PTPRD: variants seen among roughly 807,000 people sequenced by gnomAD.
PTPRD encodes receptor-type tyrosine-protein phosphatase delta.
In PTPRD, 34 loss-of-function variants were observed where a neutral mutation model predicts 214.5. The ratio of observed to expected loss-of-function variants is 0.16; its 90% confidence interval spans 0.12 to 0.21. The LOEUF (loss-of-function observed/expected upper bound fraction) is 0.21, where lower values mean the gene tolerates loss of function less well. PTPRD is among the 10% of genes least tolerant of loss of function. PTPRD has a pLI of 1.00. For missense variants in PTPRD, 2,545 were observed against 2,398.7 expected (o/e 1.06, Z -1.27); for synonymous variants, 1,128 against 845.7 (o/e 1.33, Z -5.79).
chr9:10,087,120 C>A (rs1047215120), intron 3 of PTPRD, among the ~76,000 whole-genome samples: 1 of 142,928 alleles, frequency 7.0e-6, no homozygotes, highest in African/African-American at 2.5e-5. Flanking sequence ...CTTGATTTTT[C>A]TCAAATATGT....
intron 9 of PTPRD, among the ~76,000 whole-genome samples, chr9:9,243,897 T>C (rs1243916982): frequency 2.6e-5 from 4 of 152,144 alleles, no homozygotes; most frequent in Non-Finnish European, 4.4e-5. Flanking sequence ...AACCCCATCA[T>C]CTCAGCCCAT....
At chr9:9,059,302 C>A (rs527897888) in intron 10 of PTPRD, among the ~76,000 whole-genome samples, 2 of 152,084 alleles carry the variant, frequency 1.3e-5, no homozygotes, top group Non-Finnish European at 2.9e-5. Context: ...TGAAATGGCC[C>A]ATAATATGGC....
chr9:9,599,998 G>C (rs898679255), intron 7 of PTPRD, among the ~76,000 whole-genome samples: 19 of 151,936 alleles, frequency 1.3e-4, no homozygotes, highest in African/African-American at 4.6e-4. Flanking sequence ...TGCTCTATGG[G>C]CTTGTTTCTA....
intron 2 of PTPRD, among the ~76,000 whole-genome samples, chr9:10,598,352 T>G (rs1371583157): frequency 6.6e-6 from 1 of 151,808 alleles, no homozygotes; most frequent in Non-Finnish European, 1.5e-5. Flanking sequence ...ACTCTGCTCA[T>G]GATTTCTGCT....
At chr9:10,571,049 T>C (rs1382401594) in intron 2 of PTPRD, among the ~76,000 whole-genome samples, 1 of 152,190 alleles carries the variant, frequency 6.6e-6, no homozygotes, top group African/African-American at 2.4e-5. Context: ...TCTTCCTTAC[T>C]ATTTTATGCA....
At chr9:8,449,056 CAA>C (rs1311495492) in intron 34 of PTPRD, among the ~76,000 whole-genome samples, 2 of 152,132 alleles carry the variant, frequency 1.3e-5, no homozygotes, top group African/African-American at 4.8e-5. Flanking sequence ...CATGAATAAA[CAA>C]TATTGTGCAG....
At chr9:10,223,690 A>ATAATAATAATAG (rs2099579285) in intron 3 of PTPRD, among the ~76,000 whole-genome samples, 1 of 146,330 alleles carries the variant, frequency 6.8e-6, no homozygotes, top group African/African-American at 2.5e-5. Flanking sequence ...AATAATAATA[A>ATAATAATAATAG]TAATAATAAT....
intron 9 of PTPRD, among the ~76,000 whole-genome samples, chr9:9,363,211 G>A (rs1440722425): frequency 6.7e-6 from 1 of 149,236 alleles, no homozygotes; most frequent in African/African-American, 2.5e-5. Flanking sequence ...TCAAAATAGG[G>A]AATGATAAGG....
chr9:10,538,459 T>C (rs1479145602), intron 2 of PTPRD, among the ~76,000 whole-genome samples: 1 of 152,068 alleles, frequency 6.6e-6, no homozygotes, highest in Non-Finnish European at 1.5e-5. Context: ...TTTCAGGAGC[T>C]TTCTTCGGTT....
chr9:10,066,114 G>A (rs925193796), intron 3 of PTPRD, among the ~76,000 whole-genome samples: 6 of 151,724 alleles, frequency 4.0e-5, no homozygotes, highest in African/African-American at 1.5e-4. Context: ...TTAGTGGATG[G>A]TTGGTCTTTT....
intron 8 of PTPRD, among the ~76,000 whole-genome samples, chr9:9,509,830 G>T (rs1401570555): frequency 1.3e-5 from 2 of 150,830 alleles, no homozygotes; most frequent in South Asian, 2.1e-4. Flanking sequence ...AAAATATTTT[G>T]CTGTCCTATA....
intron 14 of PTPRD, among the ~76,000 whole-genome samples, chr9:8,535,387 A>G (rs1367414072): frequency 6.6e-6 from 1 of 151,970 alleles, no homozygotes; most frequent in Non-Finnish European, 1.5e-5. Flanking sequence ...TGCAAAGCCA[A>G]TAAATACCCT....
intron 7 of PTPRD, among the ~76,000 whole-genome samples, chr9:9,585,518 T>A (rs1034878427): frequency 6.6e-6 from 1 of 152,096 alleles, no homozygotes. Context: ...GAATTGAAAA[T>A]GTCCAAACAA....
chr9:9,329,123 T>C (rs1306233062), intron 9 of PTPRD, among the ~76,000 whole-genome samples: 1 of 152,134 alleles, frequency 6.6e-6, no homozygotes, highest in East Asian at 1.9e-4. Flanking sequence ...CCTCCAATTG[T>C]GCAGTAATGT....
intron 3 of PTPRD, among the ~76,000 whole-genome samples, chr9:10,106,812 A>T (rs942897949): frequency 6.6e-6 from 1 of 152,038 alleles, no homozygotes; most frequent in Non-Finnish European, 1.5e-5. Context: ...GGTCAGCTTA[A>T]ATATGTAAAA....
At chr9:9,280,811 A>T (rs929432627) in intron 9 of PTPRD, among the ~76,000 whole-genome samples, 1 of 151,264 alleles carries the variant, frequency 6.6e-6, no homozygotes, top group Admixed American at 6.6e-5. Flanking sequence ...CAAAAGACCC[A>T]GAATAGTCAA....
chr9:10,476,704 A>G (rs149853729), intron 2 of PTPRD, among the ~76,000 whole-genome samples: 413 of 152,250 alleles, frequency 2.7e-3, no homozygotes, highest in African/African-American at 9.5e-3. Context: ...AAAAACAACA[A>G]AGCCAGAGAC....
chr9:9,355,604 C>G (rs1366753352), intron 9 of PTPRD, among the ~76,000 whole-genome samples: 1 of 151,352 alleles, frequency 6.6e-6, no homozygotes, highest in Non-Finnish European at 1.5e-5. Flanking sequence ...TATATGTTTT[C>G]TAGATATTCA....
intron 10 of PTPRD, among the ~76,000 whole-genome samples, chr9:9,138,072 G>C (rs1400323401): frequency 1.3e-5 from 2 of 152,108 alleles, no homozygotes; most frequent in African/African-American, 4.8e-5. Flanking sequence ...TGATGCTAAA[G>C]CTCAAGACAT....
Sources: gnomAD v4.1 joint callset for allele counts (sites outside exome capture counted in the v4.1 genomes callset) on GRCh38, gnomAD v4.1.1 for gene constraint, MANE v1.5 for transcripts, NCBI Gene and HGNC (gene_info 2026-07-23, HGNC 2026-07-21) for gene names.